IPCEF1: variants seen among roughly 807,000 people sequenced by gnomAD.
IPCEF1 encodes the protein interactor protein for cytohesin exchange factors 1.
In IPCEF1, 31 loss-of-function variants were observed where a neutral mutation model predicts 50.9. That is an observed-to-expected ratio of 0.61 (90% CI 0.46 to 0.82). IPCEF1 has a LOEUF of 0.82. Among genes scored for constraint, IPCEF1 ranks in the 40% least tolerant of loss-of-function variants. The pLI, the probability that IPCEF1 is intolerant of heterozygous loss-of-function variation, is 0.00. For synonymous variants in IPCEF1, 181 were observed against 192.0 expected (o/e 0.94, Z 0.47); for missense variants, 458 against 514.0 (o/e 0.89, Z 1.05).
At chr6:154,218,296 G>C (rs1778576994) in intron 7 of IPCEF1, among the ~76,000 whole-genome samples, 1 of 152,214 alleles carries the variant, frequency 6.6e-6, no homozygotes, top group Non-Finnish European at 1.5e-5. Flanking sequence ...CAGTGTCTGA[G>C]AAAGGCAGCT....
chr6:154,257,449 A>G (rs1211437549), intron 3 of IPCEF1, among the ~76,000 whole-genome samples: 1 of 152,172 alleles, frequency 6.6e-6, no homozygotes, highest in Non-Finnish European at 1.5e-5. Flanking sequence ...ATCCACAGAG[A>G]TGCTTACCAT....
At position 154,199,918 on chromosome 6, in the gene IPCEF1, T is replaced by C. The variant is rs780301689; in HGVS notation, c.660A>G (p.Gln220=). The C allele has an allele frequency of 1.7e-5, 27 of 1,614,086 alleles. No individual in the cohort carries two copies. The highest frequency in any genetic ancestry group is 2.5e-6 in the Non-Finnish European group (3 of 1,180,046). Residue 220 remains glutamine (Q), a synonymous_variant, in exon 10 of 12, where the codon CAA becomes CAG. Coordinates refer to ENST00000367220, the MANE Select transcript of IPCEF1 (RefSeq NM_001130700.2). ...SFPSSLSKER[Q]SLPDTVNSLS... ...AACTGTTAACTGTGTCAGGCAAGGA[T>C]TGTCTCTCTTTAGATAAGGAGGAAG...
At chr6:154,171,399 T>C (rs1799857676) in intron 10 of IPCEF1, among the ~76,000 whole-genome samples, 1 of 152,140 alleles carries the variant, frequency 6.6e-6, no homozygotes, top group Non-Finnish European at 1.5e-5. Flanking sequence ...TCCATTTATA[T>C]GAAATGTCCA....
At chr6:154,242,397 G>A (rs1780667552) in intron 5 of IPCEF1, among the ~76,000 whole-genome samples, 1 of 152,044 alleles carries the variant, frequency 6.6e-6, no homozygotes, top group African/African-American at 2.4e-5. Flanking sequence ...ATTCCCATGG[G>A]CAACGTAAAT....
chr6:154,327,145 A>T (rs948702952), intron 1 of IPCEF1, among the ~76,000 whole-genome samples: 1 of 152,240 alleles, frequency 6.6e-6, no homozygotes, highest in Non-Finnish European at 1.5e-5. Flanking sequence ...CATTCAGGAC[A>T]TAGTCACAGG....
intron 9 of IPCEF1, among the ~76,000 whole-genome samples, chr6:154,208,325 C>G (rs894921375): frequency 3.9e-5 from 6 of 152,124 alleles, no homozygotes; most frequent in African/African-American, 9.7e-5. Context: ...AACTTTTCCC[C>G]CAAATATCCA....
intron 5 of IPCEF1, 72 bp downstream of exon 5, chr6:154,246,519 A>G: frequency 2.0e-6 from 3 of 1,478,856 alleles, no homozygotes; most frequent in Non-Finnish European, 2.7e-6. Flanking sequence ...ACTTTCCCAT[A>G]GGGATCACCT....
In IPCEF1 at chr6:154,212,786, G is replaced by A. The variant is rs1377979624; in HGVS notation, c.521C>T (p.Ser174Phe). 1.9e-6 allele frequency: 3 copies of A among 1,612,192 alleles called. No individual in the cohort carries two copies. The highest frequency in any genetic ancestry group is 2.5e-6 in the Non-Finnish European group (3 of 1,178,240). Reference protein sequence around the residue: ...AAETPPPPHASQTQSLTAQQA... With the variant: ...AAETPPPPHAFQTQSLTAQQA... The stretch of plus-strand genomic sequence containing the variant: ...GGTACATACCAAAGACTGAGTCTGG[G>A]AAGCGTGAGGAGGGGGTGGTGTCTC... The change falls in exon 9 of 12, where the codon TCC becomes TTC. Residue 174 changes from serine (S) to phenylalanine (F), a missense_variant. Physicochemically the swap from Ser to Phe is radical, Grantham distance 155. Coordinates refer to ENST00000367220, the MANE Select transcript of IPCEF1 (RefSeq NM_001130700.2).
intron 2 of IPCEF1, among the ~76,000 whole-genome samples, chr6:154,273,708 C>CTTTT (rs1562574970): frequency 0.051 from 2,743 of 54,054 alleles, 226 homozygotes; most frequent in African/African-American, 0.15. Context: ...TTCTTTTTTT[C>CTTTT]TTTCTTTCTT....
In IPCEF1 at chr6:154,321,789, A is replaced by C. The variant is rs1036267211; in HGVS notation, c.-61-32033T>G. ...AGAGAGACTCTTTCTAAAAAAAAAA[A>C]AAAAAAAAAAAAAAAAACCAAGGAA... On this transcript the variant is annotated intron_variant, in intron 1 of 11. Transcript: ENST00000367220. Among the ~76,000 whole-genome samples, 23 of 148,524 alleles carry C rather than the reference A, an allele frequency of 1.5e-4. 1 individual carries two copies. Among genetic ancestry groups the C allele is most frequent in the African/African-American group, 4.0e-4 (16 of 39,630 alleles).
intron 1 of IPCEF1, among the ~76,000 whole-genome samples, chr6:154,351,918 T>A (rs1371033971): frequency 1.3e-5 from 2 of 152,014 alleles, no homozygotes; most frequent in African/African-American, 4.8e-5. Context: ...CACTTACAAG[T>A]GGGAGCTGAA....
At chr6:154,180,403 T>C (rs1384948920) in intron 10 of IPCEF1, among the ~76,000 whole-genome samples, 4 of 42,804 alleles carry the variant, frequency 9.3e-5, no homozygotes, top group Admixed American at 1.8e-4. Context: ...TATATATATA[T>C]ATATATATAT....
At chr6:154,325,480 T>G (rs1783496844) in intron 1 of IPCEF1, among the ~76,000 whole-genome samples, 1 of 152,208 alleles carries the variant, frequency 6.6e-6, no homozygotes, top group Non-Finnish European at 1.5e-5. Flanking sequence ...TTTTAATGTT[T>G]AAATGTATAT....
chr6:154,288,901 A>G (rs1782443035), intron 2 of IPCEF1, among the ~76,000 whole-genome samples: 1 of 151,972 alleles, frequency 6.6e-6, no homozygotes, highest in Non-Finnish European at 1.5e-5. Context: ...CCCTCTTTAC[A>G]AAAAATTTTA....
intron 1 of IPCEF1, 23 bp from the exon 2 acceptor site, chr6:154,289,779 AAAAGAG>A (rs1400152536): frequency 1.3e-5 from 2 of 151,364 alleles, no homozygotes; most frequent in South Asian, 4.2e-4. Flanking sequence ...AAAAAAAAAA[AAAAGAG>A]AGAGAGAGGA....
At chr6:154,246,568 T>A in intron 5 of IPCEF1, 23 bp downstream of exon 5, 1 of 1,596,828 alleles carries the variant, frequency 6.3e-7, no homozygotes, top group South Asian at 1.1e-5. Flanking sequence ...CGGCTGGGAA[T>A]AGGAGGAAGA....
At chr6:154,226,457 C>G (rs1201510668) in intron 5 of IPCEF1, among the ~76,000 whole-genome samples, 1 of 152,056 alleles carries the variant, frequency 6.6e-6, no homozygotes, top group Non-Finnish European at 1.5e-5. Context: ...GTTGCCAAAA[C>G]AGGACATGTG....
At chr6:154,295,113 G>A (rs766630749) in intron 1 of IPCEF1, among the ~76,000 whole-genome samples, 1 of 152,038 alleles carries the variant, frequency 6.6e-6, no homozygotes, top group Non-Finnish European at 1.5e-5. Flanking sequence ...CGGAAGAATG[G>A]CGTGAAACCA....
chr6:154,262,497 G>T (rs1781625698), intron 3 of IPCEF1, among the ~76,000 whole-genome samples: 1 of 152,210 alleles, frequency 6.6e-6, no homozygotes, highest in Non-Finnish European at 1.5e-5. Flanking sequence ...ATCAGGATAG[G>T]TAAGGGTAGG....
Sources: allele counts gnomAD v4.1 joint callset (sites outside exome capture counted in the v4.1 genomes callset), GRCh38; gene constraint gnomAD v4.1.1; transcripts MANE v1.5; gene names NCBI Gene and HGNC (gene_info 2026-07-23, HGNC 2026-07-21).